Variants in CLASP1 observed in about 807,000 individuals in gnomAD.
CLASP1 encodes the protein CLIP-associating protein 1.
CLASP1 carries 38 observed loss-of-function variants against 192.3 expected under a neutral mutation model. The observed-to-expected ratio is 0.20, with a 90% CI of 0.15 to 0.26. The LOEUF (loss-of-function observed/expected upper bound fraction) is 0.26, where lower values mean the gene tolerates loss of function less well. CLASP1 is among the 10% of genes least tolerant of loss of function. The probability of loss-of-function intolerance (pLI) is 1.00; values close to 1 mark genes in which losing one functional copy is unlikely to be tolerated. For synonymous variants in CLASP1, 691 were observed against 712.8 expected (o/e 0.97, Z 0.49); for missense variants, 1,433 against 1,932.5 (o/e 0.74, Z 4.85).
intron 8 of CLASP1, among the ~76,000 whole-genome samples, chr2:121,497,479 G>C (rs981719538): frequency 1.3e-5 from 2 of 152,066 alleles, no homozygotes; most frequent in East Asian, 1.9e-4. Context: ...TTCCAATCCT[G>C]TACCAAGATC....
At position 121,628,728 on chromosome 2, in the gene CLASP1, A is replaced by C. The variant is rs76128967; in HGVS notation, c.-286+20644T>G. Among the ~76,000 whole-genome samples the C allele has an allele frequency of 7.8e-4, 118 of 151,938 alleles. 2 individuals carry two copies. The East Asian group carries it at 0.021, about 27-fold the overall frequency. ...TATAATCAAATAAACACTTTAATGC[A>C]CTGCTGATGAGAATAAAAAGTAGTA... On this transcript the variant is annotated intron_variant, in intron 1 of 39. Transcript: ENST00000263710.
At chr2:121,542,783 T>C (rs900497797) in intron 2 of CLASP1, among the ~76,000 whole-genome samples, 1 of 152,250 alleles carries the variant, frequency 6.6e-6, no homozygotes, top group African/African-American at 2.4e-5. Context: ...TAATTGTCCA[T>C]ATAAAGGATT....
intron 1 of CLASP1, among the ~76,000 whole-genome samples, chr2:121,647,717 T>C (rs1419988532): frequency 6.6e-6 from 1 of 152,242 alleles, no homozygotes; most frequent in Non-Finnish European, 1.5e-5. Context: ...AACACAAATT[T>C]ATGGTGAAAA....
chr2:121,563,888 C>T (rs2105332746), intron 2 of CLASP1, among the ~76,000 whole-genome samples: 1 of 152,312 alleles, frequency 6.6e-6, no homozygotes, highest in Middle Eastern at 3.4e-3. Context: ...ATTGGACTTA[C>T]AGTTCCACAT....
chr2:121,596,634 A>G (rs1274244131), intron 2 of CLASP1, among the ~76,000 whole-genome samples: 1 of 152,136 alleles, frequency 6.6e-6, no homozygotes, highest in Non-Finnish European at 1.5e-5. Flanking sequence ...ACAGTCTACC[A>G]AGGAAGTGCT....
At chr2:121,470,206 C>A in intron 8 of CLASP1, 1 of 532,458 alleles carries the variant, frequency 1.9e-6, no homozygotes, top group Admixed American at 2.3e-5. Context: ...AAAAATAGAA[C>A]AAATATAAAG....
intron 2 of CLASP1, among the ~76,000 whole-genome samples, chr2:121,561,998 T>C (rs542520222): frequency 6.6e-6 from 1 of 152,342 alleles, no homozygotes; most frequent in African/African-American, 2.4e-5. Context: ...ATGTTAGGGC[T>C]TAATGTTAGA....
intron 1 of CLASP1, among the ~76,000 whole-genome samples, chr2:121,639,529 T>C (rs1214490438): frequency 1.3e-5 from 2 of 152,040 alleles, no homozygotes; most frequent in East Asian, 1.9e-4. Flanking sequence ...GGTGGCACAA[T>C]AGCATTAATG....
At chr2:121,402,774 T>C (rs1003153092) in intron 26 of CLASP1, 7 of 422,774 alleles carry the variant, frequency 1.7e-5, no homozygotes, top group African/African-American at 1.5e-4. Flanking sequence ...TTACTGCTTT[T>C]ACCACTACCT....
intron 28 of CLASP1, among the ~76,000 whole-genome samples, chr2:121,400,157 C>T (rs866654740): frequency 1.3e-5 from 2 of 152,118 alleles, no homozygotes; most frequent in Non-Finnish European, 2.9e-5. Flanking sequence ...AAAGGAATGA[C>T]GAAGTTTGAA....
At chr2:121,393,850 G>A (rs1459568339) in intron 30 of CLASP1, among the ~76,000 whole-genome samples, 2 of 150,490 alleles carry the variant, frequency 1.3e-5, no homozygotes, top group Admixed American at 1.3e-4. Flanking sequence ...ATAGTTTAGA[G>A]CCACGGATAT....
intron 21 of CLASP1, among the ~76,000 whole-genome samples, 186 bp downstream of exon 21, chr2:121,427,218 A>G (rs998535250): frequency 3.9e-5 from 6 of 152,218 alleles, no homozygotes; most frequent in Non-Finnish European, 8.8e-5. Context: ...TATATAAACT[A>G]TTAAACTATG....
chr2:121,622,669 GT>G (rs1166326550), intron 1 of CLASP1, among the ~76,000 whole-genome samples: 1 of 151,708 alleles, frequency 6.6e-6, no homozygotes, highest in Non-Finnish European at 1.5e-5. Context: ...TGTTCCCTTG[GT>G]TTCACTTTTG....
chr2:121,457,505 T>C (rs1418434405), intron 14 of CLASP1, among the ~76,000 whole-genome samples, 182 bp downstream of exon 14: 1 of 149,468 alleles, frequency 6.7e-6, no homozygotes, highest in Non-Finnish European at 1.5e-5. Flanking sequence ...ATAATAGAGG[T>C]TGTCCACATT....
At chr2:121,521,266 T>C (rs2094449850) in intron 6 of CLASP1, among the ~76,000 whole-genome samples, 1 of 152,218 alleles carries the variant, frequency 6.6e-6, no homozygotes, top group South Asian at 2.1e-4. Context: ...GAACTGGCCT[T>C]GTCGAATGAG....
At chr2:121,531,067 G>A (rs550791516) in intron 2 of CLASP1, 110 of 691,950 alleles carry the variant, frequency 1.6e-4, no homozygotes, top group South Asian at 7.7e-4. Flanking sequence ...AAATAAACTA[G>A]TACTTTGTGG....
At chr2:121,434,168 A>C (rs1041501165) in intron 19 of CLASP1, among the ~76,000 whole-genome samples, 5 of 152,214 alleles carry the variant, frequency 3.3e-5, no homozygotes, top group Non-Finnish European at 7.3e-5. Flanking sequence ...TCTTTGAAGA[A>C]ACAGTTTTGG....
intron 30 of CLASP1, among the ~76,000 whole-genome samples, chr2:121,393,857 A>G (rs944583598): frequency 6.6e-6 from 1 of 150,864 alleles, no homozygotes; most frequent in Non-Finnish European, 1.5e-5. Flanking sequence ...AGAGCCACGG[A>G]TATCTTGGAT....
intron 37 of CLASP1, among the ~76,000 whole-genome samples, chr2:121,354,889 G>A (rs1303218191): frequency 2.0e-5 from 3 of 152,082 alleles, no homozygotes; most frequent in South Asian, 2.1e-4. Context: ...GGTGCTCTTC[G>A]GGGTTGCAAC....
Sources: allele counts gnomAD v4.1 joint callset (sites outside exome capture counted in the v4.1 genomes callset), GRCh38; gene constraint gnomAD v4.1.1; transcripts MANE v1.5; gene names NCBI Gene and HGNC (gene_info 2026-07-23, HGNC 2026-07-21).